Variants in COL22A1 observed in about 807,000 individuals in gnomAD.
The protein encoded by COL22A1 is collagen alpha-1(XXII) chain.
In COL22A1, 221 loss-of-function variants were observed where a neutral mutation model predicts 248.9. The ratio of observed to expected loss-of-function variants is 0.89; its 90% confidence interval spans 0.80 to 0.99. COL22A1 has a LOEUF of 0.99. Ranked by LOEUF, COL22A1 falls within the 50% of genes least tolerant of loss-of-function variation. The pLI is 0.00. For synonymous variants in COL22A1, 891 were observed against 793.4 expected, an observed-to-expected ratio of 1.12 and a Z score of -2.07; for missense variants, 2,240 against 2,179.0, an observed-to-expected ratio of 1.03 and a Z score of -0.56.
intron 30 of COL22A1, among the ~76,000 whole-genome samples, chr8:138,713,733 G>A (rs553131951): frequency 6.6e-6 from 1 of 151,668 alleles, no homozygotes; most frequent in East Asian, 1.9e-4. Context: ...CGCCGTAGGG[G>A]GTTCATGCAA....
intron 3 of COL22A1, among the ~76,000 whole-genome samples, chr8:138,875,950 A>G (rs962027049): frequency 2.6e-5 from 4 of 152,144 alleles, no homozygotes; most frequent in Non-Finnish European, 4.4e-5. Context: ...AGGCCAAGTC[A>G]TCGGTGCTGG....
At chr8:138,755,267 C>T (rs1832906829) in intron 20 of COL22A1, 57 bp from the exon 21 acceptor site, 4 of 1,523,538 alleles carry the variant, frequency 2.6e-6, no homozygotes, top group African/African-American at 1.4e-5. Context: ...TATGATCAGG[C>T]CCACCATCAC....
intron 22 of COL22A1, 23 bp from the exon 23 acceptor site, chr8:138,737,600 A>G: frequency 6.4e-7 from 1 of 1,567,128 alleles, no homozygotes; most frequent in Non-Finnish European, 8.8e-7. Flanking sequence ...GAAGAAGCTA[A>G]AATTAACAAG....
chr8:138,606,354 TG>T, intron 58 of COL22A1, 26 bp downstream of exon 58: 1 of 1,600,660 alleles, frequency 6.2e-7, no homozygotes, highest in Non-Finnish European at 8.5e-7. Context: ...CCAGGTATCT[TG>T]GGCCCCACTG....
intron 39 of COL22A1, among the ~76,000 whole-genome samples, chr8:138,683,076 G>A (rs1587851254): frequency 6.6e-6 from 1 of 152,152 alleles, no homozygotes; most frequent in Non-Finnish European, 1.5e-5. Context: ...GGGTTAGCGA[G>A]CCCCCTCTGA....
chr8:138,637,445 G>A (rs1476625260), intron 47 of COL22A1, among the ~76,000 whole-genome samples: 7 of 152,142 alleles, frequency 4.6e-5, no homozygotes, highest in Non-Finnish European at 2.9e-5. Context: ...AACTGCTCAA[G>A]TTGTTCGTTT....
chr8:138,778,652 ACTTCAAGAAACAGCTAAAGGTGTGTGC>A (rs1440523595), intron 14 of COL22A1, among the ~76,000 whole-genome samples: 1 of 152,134 alleles, frequency 6.6e-6, no homozygotes, highest in Admixed American at 6.5e-5. Context: ...GATTCTCTTG[ACTTCAAGAAACAGCTAAAGGTGTGTGC>A]CTATGAACCA....
At chr8:138,752,144 G>A (rs1233165432) in intron 21 of COL22A1, among the ~76,000 whole-genome samples, 5 of 152,140 alleles carry the variant, frequency 3.3e-5, no homozygotes, top group African/African-American at 1.2e-4. Context: ...ACCACCTACT[G>A]AGCAGTTATG....
intron 18 of COL22A1, among the ~76,000 whole-genome samples, chr8:138,756,718 G>C (rs1007180750): frequency 6.6e-6 from 1 of 151,970 alleles, no homozygotes; most frequent in Non-Finnish European, 1.5e-5. Flanking sequence ...AGAGTGAATG[G>C]CTCAAGACAC....
intron 47 of COL22A1, among the ~76,000 whole-genome samples, chr8:138,640,545 G>T (rs1268375293): frequency 6.6e-6 from 1 of 151,898 alleles, no homozygotes. Context: ...CCTCCTCCAG[G>T]TGGCAACTAA....
chr8:138,702,087 A>G (rs1440587660), intron 31 of COL22A1, among the ~76,000 whole-genome samples: 1 of 152,212 alleles, frequency 6.6e-6, no homozygotes. Context: ...TTTCTGCAGG[A>G]TAAATGCCTA....
chr8:138,616,147 A>G, intron 54 of COL22A1, 93 bp from the exon 55 acceptor site: 1 of 1,046,866 alleles, frequency 9.6e-7, no homozygotes, highest in Non-Finnish European at 1.5e-6. Context: ...GGAGAGGTGG[A>G]GAGGCCCAGG....
chr8:138,833,058 G>A lies in COL22A1; in HGVS notation c.826C>T (p.Pro276Ser), dbSNP rs1244187474. ...QSSYVRMGSF[P>S]VVQSTEDVFP... ...ACTCACTCAGTACTTTGCACCACAG[G>A]GAAGGATCCCATCCGTACATAGGAA... The change falls in exon 5 of 65, where the codon CCT becomes TCT. Residue 276 changes from proline (P) to serine (S), a missense_variant. Coordinates refer to ENST00000303045, the MANE Select transcript of COL22A1 (RefSeq NM_152888.3). The A allele has an allele frequency of 2.5e-6, 4 of 1,612,428 alleles. No homozygotes were observed. Among genetic ancestry groups the A allele is most frequent in the Non-Finnish European group, 3.4e-6 (4 of 1,178,440 alleles).
At chr8:138,811,733 T>C in intron 9 of COL22A1, 66 bp downstream of exon 9, 2 of 1,601,808 alleles carry the variant, frequency 1.2e-6, no homozygotes, top group South Asian at 1.1e-5. Context: ...GCCACATGCA[T>C]GATGGGAAAC....
intron 1 of COL22A1, among the ~76,000 whole-genome samples, chr8:138,884,056 A>C (rs774168630): frequency 2.0e-5 from 3 of 152,094 alleles, no homozygotes; most frequent in Non-Finnish European, 4.4e-5. Flanking sequence ...TTCCAGGTGT[A>C]CCACACCTCC....
At chr8:138,911,780 T>C (rs926447752) in intron 1 of COL22A1, among the ~76,000 whole-genome samples, 4 of 152,218 alleles carry the variant, frequency 2.6e-5, no homozygotes, top group African/African-American at 7.2e-5. Flanking sequence ...GTGAATCTGA[T>C]GAAAGTTTGA....
intron 1 of COL22A1, among the ~76,000 whole-genome samples, chr8:138,910,224 C>A (rs1815357661): frequency 6.6e-6 from 1 of 152,212 alleles, no homozygotes; most frequent in African/African-American, 2.4e-5. Flanking sequence ...TGGCCTCAGG[C>A]AAAGTGCAAA....
intron 27 of COL22A1, among the ~76,000 whole-genome samples, 159 bp downstream of exon 27, chr8:138,720,580 G>A (rs1461791269): frequency 2.6e-5 from 4 of 152,016 alleles, no homozygotes; most frequent in African/African-American, 9.7e-5. Context: ...ATCCTGGTTG[G>A]AGCCCTTAAC....
chr8:138,723,073 A>T (rs942632026), intron 25 of COL22A1, among the ~76,000 whole-genome samples: 1 of 152,126 alleles, frequency 6.6e-6, no homozygotes, highest in Non-Finnish European at 1.5e-5. Flanking sequence ...AAGGAAAAAA[A>T]AAATGTGTCA....
Sources: allele counts gnomAD v4.1 joint callset (sites outside exome capture counted in the v4.1 genomes callset), GRCh38; gene constraint gnomAD v4.1.1; transcripts MANE v1.5; gene names NCBI Gene and HGNC (gene_info 2026-07-23, HGNC 2026-07-21).